TMED3: variants seen among roughly 807,000 people sequenced by gnomAD.
TMED3 encodes transmembrane p24 trafficking protein 3.
Under a neutral mutation model 15.0 loss-of-function variants are expected in TMED3, and 9 were observed. The ratio of observed to expected loss-of-function variants is 0.60; its 90% CI spans 0.36 to 1.04. TMED3 has a LOEUF of 1.04. Ranked by LOEUF, TMED3 falls within the 50% of genes least tolerant of loss-of-function variation. The pLI, the probability that TMED3 is intolerant of heterozygous loss-of-function variation, is 0.01. For synonymous variants in TMED3, 117 were observed against 121.4 expected (o/e 0.96, Z 0.24); for missense variants, 267 against 278.9 (o/e 0.96, Z 0.30).
chr15:79,346,753 A>G (rs1360463014), intron 2 of TMED3, among the ~76,000 whole-genome samples: 1 of 152,170 alleles, frequency 6.6e-6, no homozygotes, highest in Non-Finnish European at 1.5e-5. Context: ...GAATTCTCCC[A>G]GCACCATTTA....
At chr15:79,406,819 C>T (rs1279521087) in intron 2 of TMED3, among the ~76,000 whole-genome samples, 1 of 152,230 alleles carries the variant, frequency 6.6e-6, no homozygotes, top group Non-Finnish European at 1.5e-5. Context: ...TCTCTGAAGC[C>T]ATGTGTGCCT....
rs144838318 is a variant in TMED3 at position 79,365,540 on chromosome 15, T to C, written c.418-45860T>C. On this transcript the variant is annotated intron_variant, in intron 2 of 2. Coordinates refer to the TMED3 transcript ENST00000424155. ...AATATTTAAAAGGGGAAAAGCAGACTGGAGGGGAAAGAAGGAGGGTATGGT... is the reference window on the plus strand; with the variant it reads ...AATATTTAAAAGGGGAAAAGCAGACCGGAGGGGAAAGAAGGAGGGTATGGT... 8.3e-3 allele frequency among the ~76,000 whole-genome samples: 1,270 copies of C among 152,296 alleles called. 18 individuals are homozygous for C. The highest frequency in any genetic ancestry group is 0.029 in the African/African-American group (1,208 of 41,558).
intron 2 of TMED3, among the ~76,000 whole-genome samples, chr15:79,368,173 C>G (rs981141554): frequency 2.0e-5 from 3 of 152,174 alleles, no homozygotes; most frequent in African/African-American, 7.2e-5. Context: ...CTATTACCTT[C>G]TTGCTTATCA....
intron 2 of TMED3, among the ~76,000 whole-genome samples, chr15:79,341,753 G>A (rs1018560993): frequency 1.1e-4 from 16 of 152,214 alleles, no homozygotes; most frequent in Non-Finnish European, 5.9e-5. Context: ...TCAAAAGGAA[G>A]GACCGCATGA....
At chr15:79,376,847 G>A (rs969954294) in intron 2 of TMED3, among the ~76,000 whole-genome samples, 1 of 152,184 alleles carries the variant, frequency 6.6e-6, no homozygotes, top group Non-Finnish European at 1.5e-5. Flanking sequence ...ATTTGGGTCA[G>A]TTTGGTAGTT....
intron 2 of TMED3, among the ~76,000 whole-genome samples, chr15:79,370,420 G>A (rs1893317211): frequency 6.6e-6 from 1 of 152,102 alleles, no homozygotes; most frequent in African/African-American, 2.4e-5. Context: ...ATTGGGGCAG[G>A]CAGGAGTAGG....
At chr15:79,320,761 A>G (rs900056042) in intron 2 of TMED3, among the ~76,000 whole-genome samples, 1 of 152,172 alleles carries the variant, frequency 6.6e-6, no homozygotes, top group African/African-American at 2.4e-5. Flanking sequence ...CTACAAACAT[A>G]GTGTCTTAAT....
chr15:79,328,985 C>G (rs1458845226), intron 2 of TMED3, among the ~76,000 whole-genome samples: 1 of 152,198 alleles, frequency 6.6e-6, no homozygotes, highest in African/African-American at 2.4e-5. Context: ...GCAGGTAGAT[C>G]AAAGCCCCTG....
At chr15:79,395,887 G>A (rs1427030415) in intron 2 of TMED3, among the ~76,000 whole-genome samples, 2 of 152,100 alleles carry the variant, frequency 1.3e-5, no homozygotes, top group Non-Finnish European at 2.9e-5. Flanking sequence ...TAACATTTTG[G>A]ATGGATACTT....
At chr15:79,321,865 T>G in intron 2 of TMED3, 113 bp from the exon 3 acceptor site, 1 of 1,279,148 alleles carries the variant, frequency 7.8e-7, no homozygotes, top group Non-Finnish European at 1.1e-6. Flanking sequence ...CACAGACTCT[T>G]AGTTAGCATT....
At chr15:79,406,750 GCTA>G (rs763095490) in intron 2 of TMED3, among the ~76,000 whole-genome samples, 1 of 152,170 alleles carries the variant, frequency 6.6e-6, no homozygotes, top group Admixed American at 6.5e-5. Context: ...ACCCTAGCCA[GCTA>G]CCCATTTATC....
At chr15:79,365,071 C>G (rs1163245220) in intron 2 of TMED3, among the ~76,000 whole-genome samples, 1 of 152,238 alleles carries the variant, frequency 6.6e-6, no homozygotes, top group Non-Finnish European at 1.5e-5. Context: ...GCTCCCTCTC[C>G]CCTCAGGGGT....
chr15:79,410,649 G>GA (rs1168502863), intron 2 of TMED3, among the ~76,000 whole-genome samples: 2 of 150,968 alleles, frequency 1.3e-5, no homozygotes, highest in African/African-American at 4.9e-5. Context: ...TTAAATTGTG[G>GA]AAAAAAATAA....
chr15:79,357,675 G>A (rs1308750534), intron 2 of TMED3, among the ~76,000 whole-genome samples: 1 of 151,948 alleles, frequency 6.6e-6, no homozygotes, highest in Admixed American at 6.6e-5. Context: ...TGTAGAGGGA[G>A]CTGGCGGCCC....
intron 2 of TMED3, among the ~76,000 whole-genome samples, chr15:79,356,236 G>A (rs767928405): frequency 3.9e-5 from 6 of 152,284 alleles, no homozygotes; most frequent in Non-Finnish European, 8.8e-5. Context: ...TGTGTGCTTT[G>A]AAGAGTTTAA....
chr15:79,321,631 T>A lies in TMED3; in HGVS notation c.418-347T>A, dbSNP rs370290666. ...GAGCCTCAGTTTCCTCATCTGTGTG[T>A]GGGATAAGCCCTCGTTAACAGTGAG... is the stretch of plus-strand genomic sequence containing the variant. On this transcript the variant is annotated intron_variant, in intron 2 of 2. Coordinates refer to ENST00000299705, the MANE Select transcript of TMED3 (RefSeq NM_007364.4). Among the ~76,000 whole-genome samples, 7 of 152,292 alleles carry A rather than the reference T, an allele frequency of 4.6e-5. No individual in the cohort carries two copies. The South Asian group carries it at 1.5e-3, about 32-fold the overall frequency.
intron 2 of TMED3, among the ~76,000 whole-genome samples, chr15:79,388,589 G>A (rs1041114408): frequency 6.6e-6 from 1 of 152,020 alleles, no homozygotes; most frequent in African/African-American, 2.4e-5. Flanking sequence ...TTTGTATAAT[G>A]ACTTCTTTTC....
chr15:79,364,091 A>C (rs1893182859), intron 2 of TMED3, among the ~76,000 whole-genome samples: 1 of 152,184 alleles, frequency 6.6e-6, no homozygotes, highest in Non-Finnish European at 1.5e-5. Flanking sequence ...AGTATTTTTT[A>C]AGCAAAAGGA....
At chr15:79,404,507 C>T (rs1335374664) in intron 2 of TMED3, among the ~76,000 whole-genome samples, 1 of 150,964 alleles carries the variant, frequency 6.6e-6, no homozygotes, top group Non-Finnish European at 1.5e-5. Context: ...CAAACTAAAA[C>T]ATGGCAGGTG....
Sources: allele counts gnomAD v4.1 joint callset (sites outside exome capture counted in the v4.1 genomes callset), GRCh38; gene constraint gnomAD v4.1.1; transcripts MANE v1.5; gene names NCBI Gene and HGNC (gene_info 2026-07-23, HGNC 2026-07-21).